The following SPAG16 variants were observed in gnomAD, a reference collection of about 807,000 sequenced individuals.
The protein encoded by SPAG16 is sperm associated antigen 16.
SPAG16 carries 86 observed loss-of-function variants against 80.4 expected under a neutral mutation model. The observed-to-expected ratio is 1.07, with a 90% CI of 0.90 to 1.28. The LOEUF is 1.28. Among genes scored for constraint, SPAG16 ranks in the 50% most tolerant of loss-of-function variants. The probability of loss-of-function intolerance (pLI) is 0.00; values close to 1 mark genes in which losing one functional copy is unlikely to be tolerated. For missense variants in SPAG16, 870 were observed against 765.3 expected (o/e 1.14, Z -1.61); for synonymous variants, 294 against 265.9 (o/e 1.11, Z -1.03).
intron 10 of SPAG16, among the ~76,000 whole-genome samples, chr2:213,861,412 T>C (rs903066807): frequency 6.6e-6 from 1 of 152,168 alleles, no homozygotes; most frequent in African/African-American, 2.4e-5. Flanking sequence ...TTAAAATCCA[T>C]ATTGCAGAAG....
chr2:213,350,752 A>G lies in SPAG16; in HGVS notation c.762+107A>G, dbSNP rs2065280558. 5 of 664,390 alleles carry G rather than the reference A, an allele frequency of 7.5e-6. No homozygotes were observed. The South Asian group carries it at 1.3e-4, about 17-fold the overall frequency. The allele number at this position is 664,390 out of a possible 1,614,324, so 41.2% of individuals were successfully genotyped here. A position where few individuals can be genotyped will look rare whatever the true frequency, so the allele number is the denominator to read the frequency against. ...CTGAGATTAATTTTAAAACATTTTC[A>G]ACCAACTTTCATGTAAAAGAGATCC... On this transcript the variant is annotated intron_variant, in intron 7 of 15. Coordinates refer to ENST00000331683, the MANE Select transcript of SPAG16 (RefSeq NM_024532.5).
At chr2:213,419,097 C>G (rs909505221) in intron 9 of SPAG16, among the ~76,000 whole-genome samples, 22 of 150,446 alleles carry the variant, frequency 1.5e-4, no homozygotes, top group Admixed American at 1.5e-3. Flanking sequence ...CTGTGTAGAT[C>G]AATGAATCCT....
intron 10 of SPAG16, among the ~76,000 whole-genome samples, chr2:213,704,271 C>G (rs573752228): frequency 6.6e-6 from 1 of 152,250 alleles, no homozygotes; most frequent in African/African-American, 2.4e-5. Flanking sequence ...GTAATTTTCT[C>G]ACAGAGTTGT....
intron 10 of SPAG16, among the ~76,000 whole-genome samples, chr2:213,665,731 A>C (rs1003255766): frequency 2.6e-5 from 4 of 152,178 alleles, no homozygotes; most frequent in Non-Finnish European, 2.9e-5. Flanking sequence ...ATTAATTAAC[A>C]TTGAATTCAT....
intron 10 of SPAG16, among the ~76,000 whole-genome samples, chr2:213,598,914 T>A (rs979713751): frequency 6.6e-6 from 1 of 152,158 alleles, no homozygotes; most frequent in Non-Finnish European, 1.5e-5. Context: ...TAGTTACTTA[T>A]TGCCTTTGAA....
chr2:214,181,324 G>A (rs1335669290), intron 15 of SPAG16, among the ~76,000 whole-genome samples: 3 of 151,740 alleles, frequency 2.0e-5, no homozygotes, highest in Non-Finnish European at 4.4e-5. Context: ...CAGAGAAAAG[G>A]GAAGTCATAC....
intron 15 of SPAG16, among the ~76,000 whole-genome samples, chr2:214,354,124 T>C (rs925160567): frequency 2.0e-5 from 3 of 150,842 alleles, no homozygotes; most frequent in African/African-American, 7.3e-5. Context: ...ACCTACTATG[T>C]ACCCCAAAAA....
intron 12 of SPAG16, among the ~76,000 whole-genome samples, chr2:213,944,965 G>C (rs2106301549): frequency 6.6e-6 from 1 of 152,244 alleles, no homozygotes; most frequent in South Asian, 2.1e-4. Context: ...TTGAACCCAG[G>C]AGGTGGATGT....
intron 10 of SPAG16, among the ~76,000 whole-genome samples, chr2:213,767,632 A>G (rs78477164): frequency 6.8e-6 from 1 of 146,768 alleles, no homozygotes; most frequent in Non-Finnish European, 1.5e-5. Context: ...TGTCTTTTTG[A>G]AAAAAAAAGA....
chr2:214,171,847 A>G (rs1460295469), intron 15 of SPAG16, among the ~76,000 whole-genome samples: 1 of 151,960 alleles, frequency 6.6e-6, no homozygotes, highest in African/African-American at 2.4e-5. Flanking sequence ...AAAAGTTATT[A>G]ATGTTTTTTT....
chr2:213,337,819 T>C (rs79891292), intron 5 of SPAG16, among the ~76,000 whole-genome samples: 14,928 of 138,806 alleles, frequency 0.11, 1,914 homozygotes, highest in African/African-American at 0.3. Context: ...TCATCCAGAA[T>C]TTCCTCAACC....
intron 10 of SPAG16, among the ~76,000 whole-genome samples, chr2:213,764,910 G>T (rs1481798903): frequency 2.0e-5 from 3 of 152,120 alleles, no homozygotes; most frequent in Non-Finnish European, 4.4e-5. Context: ...ATGCATAAAA[G>T]TCTGAAAGCA....
intron 12 of SPAG16, among the ~76,000 whole-genome samples, chr2:213,937,434 G>T (rs964325772): frequency 6.6e-6 from 1 of 151,948 alleles, no homozygotes; most frequent in Non-Finnish European, 1.5e-5. Flanking sequence ...TACAGTATAA[G>T]AAATGGTAAG....
chr2:214,184,188 T>C (rs1356675384), intron 15 of SPAG16, among the ~76,000 whole-genome samples: 1 of 152,110 alleles, frequency 6.6e-6, no homozygotes, highest in Non-Finnish European at 1.5e-5. Context: ...TCTCTGCATT[T>C]CTTGTTTCTT....
At chr2:213,880,307 AC>A (rs2076296223) in intron 11 of SPAG16, among the ~76,000 whole-genome samples, 1 of 152,142 alleles carries the variant, frequency 6.6e-6, no homozygotes, top group Non-Finnish European at 1.5e-5. Flanking sequence ...GCCTTTGCCC[AC>A]TTTTTAATGA....
chr2:213,793,394 AAAAAATTTTAAAAGAGTTATAGGTAC>A (rs1219296155), intron 10 of SPAG16, among the ~76,000 whole-genome samples: 4 of 152,116 alleles, frequency 2.6e-5, no homozygotes, highest in African/African-American at 9.7e-5. Flanking sequence ...TCTCAATGTC[AAAAAATTTTAAAAGAGTTATAGGTAC>A]ATGCCACTCC....
At chr2:213,565,855 T>C (rs909210551) in intron 10 of SPAG16, among the ~76,000 whole-genome samples, 4 of 152,168 alleles carry the variant, frequency 2.6e-5, no homozygotes, top group African/African-American at 9.7e-5. Context: ...GACATACTGA[T>C]GATTCAAAGC....
intron 10 of SPAG16, among the ~76,000 whole-genome samples, chr2:213,781,631 G>T (rs1209975421): frequency 6.6e-6 from 1 of 152,126 alleles, no homozygotes; most frequent in African/African-American, 2.4e-5. Flanking sequence ...ACATTAAGGA[G>T]AAAAATCTTT....
intron 11 of SPAG16, among the ~76,000 whole-genome samples, chr2:213,901,802 C>A (rs539109264): frequency 6.6e-6 from 1 of 152,194 alleles, no homozygotes; most frequent in South Asian, 2.1e-4. Flanking sequence ...GTTGTATAAG[C>A]AGACTCAGTG....
Sources: gnomAD v4.1 joint callset for allele counts (sites outside exome capture counted in the v4.1 genomes callset) on GRCh38, gnomAD v4.1.1 for gene constraint, MANE v1.5 for transcripts, NCBI Gene and HGNC (gene_info 2026-07-23, HGNC 2026-07-21) for gene names.